The following CCDC77 variants were observed in gnomAD, a reference collection of about 807,000 sequenced individuals.
CCDC77 encodes coiled-coil domain-containing protein 77.
In CCDC77, 56 loss-of-function variants were observed where a neutral mutation model predicts 66.8. That is an observed-to-expected ratio of 0.84 (90% CI 0.68 to 1.05). The LOEUF (loss-of-function observed/expected upper bound fraction) is 1.05. Among genes scored for constraint, CCDC77 ranks in the 50% least tolerant of loss-of-function variants. CCDC77 has a pLI of 0.00. For synonymous variants in CCDC77, 196 were observed against 195.2 expected, an observed-to-expected ratio of 1.00 and a Z score of -0.03; for missense variants, 570 against 576.8, an observed-to-expected ratio of 0.99 and a Z score of 0.12.
Position 425,793 on chromosome 12 carries a change from G to A in CCDC77, c.414-2976G>A, listed in dbSNP as rs12580802. 3.1e-3 allele frequency among the ~76,000 whole-genome samples: 468 copies of A among 152,228 alleles called. 11 individuals carry two copies. In the East Asian group the frequency reaches 0.066, roughly 21 times the overall value. ...TTGTTCATGCCGTCTGATTTAACGCGATATCATCAGTAGTGAGCTACTGGC... is the reference window on the plus strand; with the variant it reads ...TTGTTCATGCCGTCTGATTTAACGCAATATCATCAGTAGTGAGCTACTGGC... On this transcript the variant is annotated intron_variant, in intron 5 of 12. Coordinates refer to ENST00000239830, the MANE Select transcript of CCDC77 (RefSeq NM_032358.4).
intron 5 of CCDC77, among the ~76,000 whole-genome samples, chr12:422,475 G>A (rs184019648): frequency 3.9e-5 from 6 of 152,228 alleles, no homozygotes; most frequent in East Asian, 3.9e-4. Flanking sequence ...GCTACTTTTC[G>A]TCTCCATGAA....
chr12:394,047 A>G (rs1336461667), intron 1 of CCDC77, among the ~76,000 whole-genome samples: 3 of 152,242 alleles, frequency 2.0e-5, no homozygotes, highest in Non-Finnish European at 4.4e-5. Flanking sequence ...AAGTTTTCCA[A>G]AATTATAATT....
At chr12:439,456 GTTGC>G (rs1383555907) in intron 10 of CCDC77, among the ~76,000 whole-genome samples, 2 of 151,316 alleles carry the variant, frequency 1.3e-5, no homozygotes, top group African/African-American at 4.9e-5. Flanking sequence ...GGAGGCAGAG[GTTGC>G]AGTGAGCTGA....
intron 4 of CCDC77, among the ~76,000 whole-genome samples, chr12:417,934 C>T (rs776996312): frequency 7.3e-5 from 11 of 151,646 alleles, no homozygotes; most frequent in Non-Finnish European, 1.5e-4. Flanking sequence ...ATAGGTGAGT[C>T]GTACAGCATT....
chr12:422,206 GCA>G (rs1945411212), intron 5 of CCDC77, among the ~76,000 whole-genome samples: 1 of 148,316 alleles, frequency 6.7e-6, no homozygotes, highest in Non-Finnish European at 1.5e-5. Flanking sequence ...TACACACATA[GCA>G]GCACACTCCA....
At position 402,233 on chromosome 12, in the gene CCDC77, G is replaced by A. The variant is rs547793407; in HGVS notation, c.-71+549G>A. 1.5e-4 allele frequency among the ~76,000 whole-genome samples: 23 copies of A among 152,324 alleles called. No individual in the cohort carries two copies. In the South Asian group the frequency reaches 2.7e-3, roughly 18 times the overall value. ...TATAAACAAAGGCATTGTTCCTTTG[G>A]AAGAGGCAATGAAGAGTAAGACGCG... On this transcript the variant is annotated intron_variant, in intron 1 of 12. Coordinates refer to ENST00000239830, the MANE Select transcript of CCDC77 (RefSeq NM_032358.4).
chr12:440,389 A>G (rs1825257983), intron 10 of CCDC77, among the ~76,000 whole-genome samples: 1 of 152,190 alleles, frequency 6.6e-6, no homozygotes, highest in Admixed American at 6.5e-5. Flanking sequence ...CCCAGAGCCA[A>G]AAATATTTGT....
upstream of CCDC77, among the ~76,000 whole-genome samples, chr12:401,304 T>C (rs1201713449): frequency 6.6e-6 from 1 of 152,208 alleles, no homozygotes; most frequent in African/African-American, 2.4e-5. Context: ...ATATGTACCA[T>C]GAACGCGAAG....
intron 1 of CCDC77, among the ~76,000 whole-genome samples, chr12:394,491 G>T (rs1944801208): frequency 6.6e-6 from 1 of 152,178 alleles, no homozygotes; most frequent in African/African-American, 2.4e-5. Flanking sequence ...ACCCACTGTT[G>T]CTTTTGTACC....
At chr12:397,589 C>T (rs1944844977), upstream of CCDC77, among the ~76,000 whole-genome samples, 1 of 151,956 alleles carries the variant, frequency 6.6e-6, no homozygotes, top group African/African-American at 2.4e-5. Context: ...ATACTGTAGT[C>T]TAGTGCATTA....
intron 2 of CCDC77, among the ~76,000 whole-genome samples, chr12:406,699 C>A (rs1206016478): frequency 6.6e-6 from 1 of 152,112 alleles, no homozygotes; most frequent in Non-Finnish European, 1.5e-5. Flanking sequence ...GTAATCCCAG[C>A]ACTTTGGGAG....
chr12:440,492 G>C, intron 10 of CCDC77, 125 bp from the exon 11 acceptor site: 1 of 1,054,550 alleles, frequency 9.5e-7, no homozygotes, highest in South Asian at 1.7e-5. Context: ...CTTGTCATCT[G>C]GTTCCTTAAC....
At position 440,759 on chromosome 12, in the gene CCDC77, C is replaced by G. The variant is rs1333742204; in HGVS notation, c.1167+17C>G. 6.2e-7 allele frequency: 1 copy of G among 1,613,622 alleles called. No individual in the cohort carries two copies. The highest frequency in any genetic ancestry group is 8.5e-7 in the Non-Finnish European group (1 of 1,180,034). On this transcript the variant is annotated intron_variant, in intron 11 of 12. Transcript: ENST00000239830. ...ATCTTCAAGGTACGAAATTATCTGC[C>G]ACTTGTAATGGAATAGGAAGTGCAG...
chr12:395,737 T>A, intron 1 of CCDC77, among the ~76,000 whole-genome samples: 1 of 151,820 alleles, frequency 6.6e-6, no homozygotes, highest in Non-Finnish European at 1.5e-5. Flanking sequence ...CTACTAAAAA[T>A]ACAAAAATTG....
upstream of CCDC77, among the ~76,000 whole-genome samples, chr12:397,410 A>G: frequency 6.6e-6 from 1 of 152,190 alleles, no homozygotes; most frequent in East Asian, 1.9e-4. Context: ...TAATGTAATT[A>G]ACAGAGAAAA....
intron 2 of CCDC77, among the ~76,000 whole-genome samples, chr12:406,669 A>T (rs1168411893): frequency 6.6e-6 from 1 of 152,166 alleles, no homozygotes; most frequent in East Asian, 1.9e-4. Flanking sequence ...CAGGGGGACC[A>T]GGCGTGGTGA....
intron 9 of CCDC77, among the ~76,000 whole-genome samples, chr12:434,834 C>T (rs2137612935): frequency 6.6e-6 from 1 of 152,338 alleles, no homozygotes; most frequent in South Asian, 2.1e-4. Flanking sequence ...TTGCCTGGTT[C>T]CAGTGGCCAG....
chr12:415,383 AT>A (rs1945218485), intron 4 of CCDC77, among the ~76,000 whole-genome samples: 6 of 104,566 alleles, frequency 5.7e-5, no homozygotes, highest in East Asian at 2.9e-4. Context: ...TCAACATAAT[AT>A]TATGTTAATA....
chr12:434,414 G>T (rs986398517), intron 9 of CCDC77, among the ~76,000 whole-genome samples: 1 of 150,456 alleles, frequency 6.6e-6, no homozygotes, highest in Admixed American at 6.6e-5. Context: ...GTGCAGTGGC[G>T]TGATCCCGGT....
Sources: gnomAD v4.1 joint callset for allele counts (sites outside exome capture counted in the v4.1 genomes callset) on GRCh38, gnomAD v4.1.1 for gene constraint, MANE v1.5 for transcripts, NCBI Gene and HGNC (gene_info 2026-07-23, HGNC 2026-07-21) for gene names.